SGSM1: variants seen among roughly 807,000 people sequenced by gnomAD.
SGSM1 encodes the protein small G protein signaling modulator 1.
A neutral mutation model predicts 133.8 loss-of-function variants in SGSM1; 73 were observed. The observed-to-expected ratio is 0.55, with a 90% CI of 0.45 to 0.66. SGSM1 has a LOEUF of 0.66. Ranked by LOEUF, SGSM1 falls within the 30% of genes least tolerant of loss-of-function variation. SGSM1 has a pLI of 0.00. For synonymous variants in SGSM1, 563 were observed against 573.0 expected (o/e 0.98, Z 0.25); for missense variants, 1,213 against 1,448.1 (o/e 0.84, Z 2.64).
intron 2 of SGSM1, among the ~76,000 whole-genome samples, chr22:24,829,524 CGTTT>C (rs1928989516): frequency 6.6e-6 from 1 of 152,256 alleles, no homozygotes; most frequent in South Asian, 2.1e-4. Context: ...GAACTTAAAA[CGTTT>C]GTTTTTCTTT....
chr22:24,823,496 G>C (rs1928606128), intron 2 of SGSM1, among the ~76,000 whole-genome samples: 1 of 152,128 alleles, frequency 6.6e-6, no homozygotes, highest in Admixed American at 6.5e-5. Context: ...AGCTACTCAG[G>C]AGGCTGAGGC....
At chr22:24,872,998 G>C (rs1426673938) in intron 12 of SGSM1, among the ~76,000 whole-genome samples, 1 of 148,320 alleles carries the variant, frequency 6.7e-6, no homozygotes, top group East Asian at 2.0e-4. Context: ...TCGCTCTGTT[G>C]CCCAGGCTGG....
chr22:24,916,805 C>T (rs1453780554), intron 22 of SGSM1, among the ~76,000 whole-genome samples: 5 of 151,938 alleles, frequency 3.3e-5, no homozygotes, highest in Non-Finnish European at 7.4e-5. Context: ...GAGTTGTTTC[C>T]CAGTTGTTGG....
At chr22:24,895,110 A>G in intron 17 of SGSM1, 113 bp from the exon 18 acceptor site, 14 of 1,014,394 alleles carry the variant, frequency 1.4e-5, no homozygotes, top group Non-Finnish European at 2.1e-5. Context: ...GGACTTGTGC[A>G]AGTTAGGAAT....
chr22:24,898,190 G>T lies in SGSM1; in HGVS notation c.2241G>T (p.Thr747=), dbSNP rs200026806. Reference sequence around the variant, plus strand: ...TGGACGCCCAGCGGAACACCCCCACGGTGCTGCGACCTAGGGATGGCAGCG... The same window carrying T: ...TGGACGCCCAGCGGAACACCCCCACTGTGCTGCGACCTAGGGATGGCAGCG... ...SVLDAQRNTP[T]VLRPRDGSVD... Residue 747 remains threonine (T), a synonymous_variant, in exon 19 of 25, where the codon ACG becomes ACT. Coordinates refer to ENST00000400358, the MANE Select transcript of SGSM1 (RefSeq NM_001098497.3). The T allele has an allele frequency of 6.2e-7, 1 of 1,613,760 alleles. No homozygotes were observed. The highest frequency in any genetic ancestry group is 1.3e-5 in the African/African-American group (1 of 74,902).
Position 24,926,651 on chromosome 22 carries a change from T to C in SGSM1, c.*2377T>C, listed in dbSNP as rs1934217734. The C allele has an allele frequency of 6.6e-6, 1 of 152,208 alleles. No homozygotes were observed. 9.4% of individuals were successfully genotyped at this position (152,208 alleles called of 1,614,324 possible). A position where few individuals can be genotyped will look rare whatever the true frequency, so the allele number is the denominator to read the frequency against. On this transcript the variant is annotated 3_prime_UTR_variant, in exon 25 of 25. Coordinates refer to ENST00000400358, the MANE Select transcript of SGSM1 (RefSeq NM_001098497.3). ...TGGTTGTGATTTGGAATAAGTCATA[T>C]TTATTTGGTTTACTGTGCCTATTCA...
At position 24,916,899 on chromosome 22, in the gene SGSM1, G is replaced by A. The variant is rs562947934; in HGVS notation, c.2929-759G>A. ...TTTTTGTTTTCATTTTGTTTTTTTAGATAGGGTCTCACTCTGTCACCCAGG... is the reference window on the plus strand; with the variant it reads ...TTTTTGTTTTCATTTTGTTTTTTTAAATAGGGTCTCACTCTGTCACCCAGG... On this transcript the variant is annotated intron_variant, in intron 22 of 24. Transcript: ENST00000400358. Among the ~76,000 whole-genome samples the A allele has an allele frequency of 3.3e-5, 5 of 151,900 alleles. No homozygotes were observed. The South Asian group carries it at 1.0e-3, about 32-fold the overall frequency.
chr22:24,807,542 C>T lies in SGSM1; in HGVS notation c.63+1058C>T, dbSNP rs185235099. On this transcript the variant is annotated intron_variant, in intron 2 of 24. Coordinates refer to ENST00000400358, the MANE Select transcript of SGSM1 (RefSeq NM_001098497.3). Reference sequence around the variant, plus strand: ...GCATGAATAACTAGGGCTGTGACTCCGTCTGTGTGCGTGTGTCTTGTGTGT... The same window carrying T: ...GCATGAATAACTAGGGCTGTGACTCTGTCTGTGTGCGTGTGTCTTGTGTGT... 3.3e-3 allele frequency among the ~76,000 whole-genome samples: 495 copies of T among 151,890 alleles called. 15 individuals are homozygous for T. Among genetic ancestry groups the T allele is most frequent in the South Asian group, 0.028 (135 of 4,806 alleles).
rs540356821 is a variant in SGSM1, at chr22:24,836,713, C to T, written c.64-8184C>T. On this transcript the variant is annotated intron_variant, in intron 2 of 24. Transcript: ENST00000400358. ...TTGAACATCTTTCCATGTGCTTGTT[C>T]GTCATTTGCACATCTTCTTCAGAGA... Among the ~76,000 whole-genome samples, 4 of 152,246 alleles carry T rather than the reference C, an allele frequency of 2.6e-5. No homozygotes were observed. The South Asian group carries it at 6.2e-4, about 24-fold the overall frequency.
At chr22:24,822,396 C>T (rs1928537682) in intron 2 of SGSM1, among the ~76,000 whole-genome samples, 1 of 151,868 alleles carries the variant, frequency 6.6e-6, no homozygotes, top group Non-Finnish European at 1.5e-5. Flanking sequence ...CTGGTCTCAT[C>T]TCTCTTTTCT....
chr22:24,868,337 G>A (rs1252059798), intron 10 of SGSM1, 39 bp from the exon 11 acceptor site: 1 of 1,585,304 alleles, frequency 6.3e-7, no homozygotes, highest in South Asian at 1.1e-5. Flanking sequence ...GCCTCATAGT[G>A]ACTTCCACTG....
At chr22:24,892,334 C>G (rs910698270) in intron 16 of SGSM1, among the ~76,000 whole-genome samples, 2 of 152,090 alleles carry the variant, frequency 1.3e-5, no homozygotes, top group African/African-American at 2.4e-5. Context: ...CTCTCCTTAC[C>G]TAGATCAGCC....
intron 12 of SGSM1, among the ~76,000 whole-genome samples, chr22:24,872,437 C>T (rs1030783378): frequency 1.3e-5 from 2 of 151,808 alleles, no homozygotes; most frequent in Non-Finnish European, 2.9e-5. Context: ...ATCTCCAGGG[C>T]AGATGGGGAT....
intron 10 of SGSM1, 24 bp downstream of exon 10, chr22:24,867,184 G>A (rs1443133905): frequency 1.2e-6 from 2 of 1,611,046 alleles, no homozygotes; most frequent in Admixed American, 1.7e-5. Context: ...GGACAGGAGG[G>A]GTCTGCGTAT....
At chr22:24,857,312 G>A (rs2147856320) in intron 8 of SGSM1, among the ~76,000 whole-genome samples, 1 of 150,178 alleles carries the variant, frequency 6.7e-6, no homozygotes, top group Admixed American at 6.7e-5. Context: ...TCGGGAGGCT[G>A]AGGCAGAACT....
At chr22:24,855,851 A>C in intron 8 of SGSM1, 171 bp downstream of exon 8, 1 of 941,248 alleles carries the variant, frequency 1.1e-6, no homozygotes, top group Non-Finnish European at 1.7e-6. Flanking sequence ...ATTTACACGC[A>C]CCCATCCTTA....
At chr22:24,882,683 T>C (rs57604257) in intron 14 of SGSM1, among the ~76,000 whole-genome samples, 5,713 of 152,216 alleles carry the variant, frequency 0.038, 367 homozygotes, top group African/African-American at 0.13. Context: ...CTTCCTACCC[T>C]CTGGTAACCA....
intron 16 of SGSM1, among the ~76,000 whole-genome samples, chr22:24,888,938 C>CTTTTTTTTTTTT (rs1234715475): frequency 2.5e-5 from 2 of 79,946 alleles, no homozygotes; most frequent in Non-Finnish European, 2.2e-5. Context: ...TCATAGTCAC[C>CTTTTTTTTTTTT]TTTTTTTTTT....
chr22:24,894,878 G>GA (rs35536458), intron 17 of SGSM1, among the ~76,000 whole-genome samples: 6,140 of 148,708 alleles, frequency 0.041, 164 homozygotes, highest in Middle Eastern at 0.086. Context: ...GGGATCATGG[G>GA]AAAAAAAAAA....
Sources: gnomAD v4.1 joint callset for allele counts (sites outside exome capture counted in the v4.1 genomes callset) on GRCh38, gnomAD v4.1.1 for gene constraint, MANE v1.5 for transcripts, NCBI Gene and HGNC (gene_info 2026-07-23, HGNC 2026-07-21) for gene names.